Variants in STARD13 observed in about 807,000 individuals in gnomAD.
STARD13 encodes the protein stAR-related lipid transfer protein 13.
A neutral mutation model predicts 106.4 loss-of-function variants in STARD13; 62 were observed. The ratio of observed to expected loss-of-function variants is 0.58; its 90% confidence interval spans 0.48 to 0.72. STARD13 has a LOEUF of 0.72. Ranked by LOEUF, STARD13 falls within the 30% of genes least tolerant of loss-of-function variation. STARD13 has a pLI of 0.00. For missense variants in STARD13, 1,387 were observed against 1,424.0 expected, an observed-to-expected ratio of 0.97 and a Z score of 0.42; for synonymous variants, 565 against 553.0, an observed-to-expected ratio of 1.02 and a Z score of -0.31.
At chr13:33,557,898 C>T in the STARD13 span, among the ~76,000 whole-genome samples, 131 of 152,254 alleles carry the variant, frequency 8.6e-4, no homozygotes, top group Middle Eastern at 3.4e-3. Context: ...GACCCTGGTC[C>T]CTAACTTGAA....
chr13:33,600,212 A>G, the STARD13 span, among the ~76,000 whole-genome samples: 2 of 152,232 alleles, frequency 1.3e-5, no homozygotes, highest in South Asian at 4.1e-4. Flanking sequence ...GAATGTCATG[A>G]GAAACAGAAT....
chr13:33,617,396 CT>C, the STARD13 span, among the ~76,000 whole-genome samples: 1 of 152,208 alleles, frequency 6.6e-6, no homozygotes, highest in Non-Finnish European at 1.5e-5. Flanking sequence ...AGGCATTTGA[CT>C]TAGCCCTTAT....
chr13:33,131,430 A>G (rs960441265), intron 4 of STARD13, among the ~76,000 whole-genome samples: 1 of 77,198 alleles, frequency 1.3e-5, no homozygotes, highest in Non-Finnish European at 2.9e-5. Context: ...AAATCGAATC[A>G]TATGATTTTT....
At chr13:33,196,313 C>G (rs1423493535) in intron 1 of STARD13, among the ~76,000 whole-genome samples, 1 of 152,172 alleles carries the variant, frequency 6.6e-6, no homozygotes, top group Non-Finnish European at 1.5e-5. Flanking sequence ...TCGCTGGAAC[C>G]TGGGGGGCAA....
the STARD13 span, among the ~76,000 whole-genome samples, chr13:33,420,729 A>C: frequency 3.3e-5 from 5 of 152,228 alleles, no homozygotes; most frequent in Admixed American, 6.5e-5. Flanking sequence ...GCAAATGTAA[A>C]AGAACAGAAA....
At chr13:33,580,308 C>A in the STARD13 span, among the ~76,000 whole-genome samples, 2 of 151,994 alleles carry the variant, frequency 1.3e-5, no homozygotes, top group African/African-American at 4.8e-5. Context: ...AGGCTACACA[C>A]CATATGATTC....
chr13:33,443,202 C>A, the STARD13 span, among the ~76,000 whole-genome samples: 3 of 151,830 alleles, frequency 2.0e-5, no homozygotes, highest in African/African-American at 7.3e-5. Context: ...ACGGTGAAGA[C>A]CCGTCTCTAC....
At chr13:33,400,545 T>TG in the STARD13 span, among the ~76,000 whole-genome samples, 1 of 151,422 alleles carries the variant, frequency 6.6e-6, no homozygotes, top group Non-Finnish European at 1.5e-5. Flanking sequence ...CACTGTAACC[T>TG]CCACTCCCAG....
intron 4 of STARD13, among the ~76,000 whole-genome samples, chr13:33,140,255 T>C (rs182272792): frequency 1.3e-3 from 193 of 152,338 alleles, no homozygotes; most frequent in Non-Finnish European, 5.0e-4. Context: ...GCATTTTCTT[T>C]TGTGATGCAG....
chr13:33,185,588 T>C (rs1476792232), intron 1 of STARD13, among the ~76,000 whole-genome samples: 1 of 152,176 alleles, frequency 6.6e-6, no homozygotes, highest in African/African-American at 2.4e-5. Flanking sequence ...TCCCTGATAG[T>C]TGGCAATGGT....
chr13:33,459,171 A>G, the STARD13 span, among the ~76,000 whole-genome samples: 1 of 152,120 alleles, frequency 6.6e-6, no homozygotes, highest in African/African-American at 2.4e-5. Flanking sequence ...TATCCATGAA[A>G]CTACCACCAT....
the STARD13 span, among the ~76,000 whole-genome samples, chr13:33,620,436 C>T: frequency 1.3e-5 from 2 of 151,988 alleles, no homozygotes; most frequent in African/African-American, 2.4e-5. Flanking sequence ...GTGCCCGCCA[C>T]CACACCTGGC....
At chr13:33,377,252 G>T in the STARD13 span, among the ~76,000 whole-genome samples, 7 of 152,218 alleles carry the variant, frequency 4.6e-5, no homozygotes, top group East Asian at 1.4e-3. Context: ...TATAGATAAT[G>T]CCTGTGTGCT....
chr13:33,139,282 A>G (rs1998727), intron 4 of STARD13, among the ~76,000 whole-genome samples: 117,020 of 151,864 alleles, frequency 0.77, 45,227 homozygotes, highest in East Asian at 0.8. Flanking sequence ...CAGATTACCC[A>G]GATTCAAGTA....
At chr13:33,183,775 C>G (rs1444328281) in intron 1 of STARD13, among the ~76,000 whole-genome samples, 4 of 152,124 alleles carry the variant, frequency 2.6e-5, no homozygotes, top group African/African-American at 4.8e-5. Flanking sequence ...AGGAATGAGG[C>G]CTGGTCCAGT....
chr13:33,429,769 A>G, the STARD13 span, among the ~76,000 whole-genome samples: 1 of 152,200 alleles, frequency 6.6e-6, no homozygotes, highest in Non-Finnish European at 1.5e-5. Flanking sequence ...GAGGCTGGCA[A>G]GGGTAGCAGG....
At chr13:33,198,136 C>T (rs889114089) in intron 1 of STARD13, among the ~76,000 whole-genome samples, 18 of 152,238 alleles carry the variant, frequency 1.2e-4, no homozygotes, top group Admixed American at 8.5e-4. Context: ...CCACTGCACT[C>T]CGGCCTGGGC....
At chr13:33,301,788 T>G (rs1892728562) in intron 1 of STARD13, among the ~76,000 whole-genome samples, 1 of 152,020 alleles carries the variant, frequency 6.6e-6, no homozygotes, top group Admixed American at 6.6e-5. Flanking sequence ...CAGGATGGTC[T>G]CGATCTCCTA....
At chr13:33,414,084 T>A in the STARD13 span, among the ~76,000 whole-genome samples, 6 of 146,110 alleles carry the variant, frequency 4.1e-5, no homozygotes, top group African/African-American at 1.3e-4. Flanking sequence ...AGATGCTCAA[T>A]AGCATTGTCC....
Sources: gnomAD v4.1 joint callset for allele counts (sites outside exome capture counted in the v4.1 genomes callset) on GRCh38, gnomAD v4.1.1 for gene constraint, MANE v1.5 for transcripts, NCBI Gene and HGNC (gene_info 2026-07-23, HGNC 2026-07-21) for gene names.